The following COX7B2 variants were observed in gnomAD, a reference collection of about 807,000 sequenced individuals.
The protein encoded by COX7B2 is cytochrome c oxidase subunit 7B2, mitochondrial.
For missense variants in COX7B2, 109 were observed against 95.9 expected, an observed-to-expected ratio of 1.14 and a Z score of -0.57; for synonymous variants, 37 against 32.1, an observed-to-expected ratio of 1.15 and a Z score of -0.51.
intron 2 of COX7B2, among the ~76,000 whole-genome samples, chr4:46,832,139 A>T (rs1261661841): frequency 6.6e-6 from 1 of 152,146 alleles, no homozygotes; most frequent in African/African-American, 2.4e-5. Flanking sequence ...CACACCGTGG[A>T]AGGTTTGTTC....
intron 2 of COX7B2, among the ~76,000 whole-genome samples, chr4:46,780,534 A>C (rs1051767618): frequency 2.0e-5 from 3 of 152,132 alleles, no homozygotes; most frequent in Admixed American, 6.5e-5. Flanking sequence ...AAAAACAAAA[A>C]AGTCTAAACC....
At chr4:46,836,328 A>G (rs1715509806) in intron 2 of COX7B2, among the ~76,000 whole-genome samples, 1 of 151,910 alleles carries the variant, frequency 6.6e-6, no homozygotes, top group African/African-American at 2.4e-5. Flanking sequence ...TCCTTATTCT[A>G]TACGTTTTTT....
At chr4:46,847,015 C>A (rs1222244428) in intron 1 of COX7B2, among the ~76,000 whole-genome samples, 1 of 151,884 alleles carries the variant, frequency 6.6e-6, no homozygotes, top group Non-Finnish European at 1.5e-5. Flanking sequence ...ATAAACTATG[C>A]AGTTGGCTAT....
chr4:46,773,922 A>G (rs929615576), intron 2 of COX7B2, among the ~76,000 whole-genome samples: 1 of 152,128 alleles, frequency 6.6e-6, no homozygotes, highest in African/African-American at 2.4e-5. Context: ...CTGTACTTCC[A>G]CAATAACTGG....
chr4:46,906,866 G>A (rs1252722599), intron 1 of COX7B2, among the ~76,000 whole-genome samples: 1 of 152,118 alleles, frequency 6.6e-6, no homozygotes, highest in African/African-American at 2.4e-5. Flanking sequence ...TGCCCCTCTT[G>A]CTTGAGCCTT....
chr4:46,737,326 A>G (rs181598878), intron 2 of COX7B2, among the ~76,000 whole-genome samples: 2 of 152,238 alleles, frequency 1.3e-5, no homozygotes, highest in East Asian at 1.9e-4. Context: ...AGTTCTTTGT[A>G]TATTCTGGAT....
chr4:46,849,881 C>T (rs1310582469), intron 1 of COX7B2, among the ~76,000 whole-genome samples: 1 of 152,182 alleles, frequency 6.6e-6, no homozygotes, highest in East Asian at 1.9e-4. Context: ...TGTTCCCCTT[C>T]TATTTTAAGA....
At chr4:46,859,876 A>G (rs1172193634) in intron 1 of COX7B2, among the ~76,000 whole-genome samples, 1 of 152,218 alleles carries the variant, frequency 6.6e-6, no homozygotes, top group Non-Finnish European at 1.5e-5. Context: ...AAATACAGCT[A>G]GTCAACAGCC....
At chr4:46,866,206 G>A (rs369585207) in intron 1 of COX7B2, among the ~76,000 whole-genome samples, 79 of 152,294 alleles carry the variant, frequency 5.2e-4, no homozygotes, top group Admixed American at 8.5e-4. Context: ...CCTGATTTAG[G>A]AAGACGGAAG....
intron 2 of COX7B2, among the ~76,000 whole-genome samples, chr4:46,809,901 AG>A (rs1210920137): frequency 6.6e-6 from 1 of 151,974 alleles, no homozygotes; most frequent in Non-Finnish European, 1.5e-5. Context: ...GTTCATTAAT[AG>A]TTTACATATT....
chr4:46,880,879 A>G (rs1322408323), intron 1 of COX7B2, among the ~76,000 whole-genome samples: 2 of 147,764 alleles, frequency 1.4e-5, no homozygotes, highest in Non-Finnish European at 3.0e-5. Flanking sequence ...GCATTGGGAG[A>G]TATACCTAAT....
At position 46,905,152 on chromosome 4, in the gene COX7B2, GT is replaced by G. The variant is rs386399993; in HGVS notation, c.-105+4007del. On this transcript the variant is annotated intron_variant, in intron 1 of 2. Coordinates refer to ENST00000355591, the MANE Select transcript of COX7B2 (RefSeq NM_130902.3). ...ATTTGGACACTTAAGTATTATACAAGTTTTTTTTTTTTAAGCAACAAACAAC... is the reference window on the plus strand; with the variant it reads ...ATTTGGACACTTAAGTATTATACAAGTTTTTTTTTTTAAGCAACAAACAAC... 3.8e-4 allele frequency among the ~76,000 whole-genome samples: 56 copies of G among 148,106 alleles called. 2 individuals carry two copies. The highest frequency in any genetic ancestry group is 3.5e-3 in the Middle Eastern group (1 of 286).
chr4:46,904,953 T>C (rs576143739), intron 1 of COX7B2, among the ~76,000 whole-genome samples: 1 of 152,334 alleles, frequency 6.6e-6, no homozygotes, highest in East Asian at 1.9e-4. Flanking sequence ...ACCTACTAAA[T>C]GGATTACTTA....
rs544390376 is a variant in COX7B2 at position 46,746,372 on chromosome 4, G to T, written c.-49-11131C>A. 6.6e-5 allele frequency among the ~76,000 whole-genome samples: 10 copies of T among 152,298 alleles called. No individual in the cohort carries two copies. The South Asian group carries it at 1.9e-3, about 28-fold the overall frequency. On this transcript the variant is annotated intron_variant, in intron 2 of 2. Coordinates refer to ENST00000355591, the MANE Select transcript of COX7B2 (RefSeq NM_130902.3). ...TTTCTAATGAAAAGAAATTATAAAA[G>T]TGGCACAAAGATCTAAGTGTAGAAC...
chr4:46,824,219 C>T (rs560152993), intron 2 of COX7B2, among the ~76,000 whole-genome samples: 99 of 152,200 alleles, frequency 6.5e-4, no homozygotes, highest in Non-Finnish European at 1.1e-3. Context: ...GATGGATTCA[C>T]GGTCAAATTC....
intron 1 of COX7B2, among the ~76,000 whole-genome samples, chr4:46,878,483 T>TTA (rs34882815): frequency 0.08 from 11,874 of 149,034 alleles, 770 homozygotes; most frequent in East Asian, 0.26. Flanking sequence ...GTTAGCACTA[T>TTA]TATATATATA....
intron 2 of COX7B2, among the ~76,000 whole-genome samples, chr4:46,825,461 G>A (rs1714619948): frequency 1.3e-5 from 2 of 152,078 alleles, no homozygotes; most frequent in Admixed American, 6.6e-5. Context: ...ACTGCCCAAA[G>A]CAATTTACAG....
rs141042467 is a variant in COX7B2 at position 46,847,069 on chromosome 4, A to G, written c.-104-2055T>C. On this transcript the variant is annotated intron_variant, in intron 1 of 2. Coordinates refer to ENST00000355591, the MANE Select transcript of COX7B2 (RefSeq NM_130902.3). ...GACGATCAAATTTAACACCATAGATATAGCCGTTGAGATGTAAGAAGAAAT... is the reference window on the plus strand; with the variant it reads ...GACGATCAAATTTAACACCATAGATGTAGCCGTTGAGATGTAAGAAGAAAT... Among the ~76,000 whole-genome samples the G allele has an allele frequency of 7.7e-3, 1,177 of 152,176 alleles. 18 individuals carry two copies. Among genetic ancestry groups the G allele is most frequent in the African/African-American group, 0.027 (1,134 of 41,556 alleles).
rs200373474 is a variant in COX7B2 at position 46,879,723 on chromosome 4, C to CAA, written c.-105+29435_-105+29436dup. ...GATTTATCAAAGAAAACGAAGACCT[C>CAA]AAAAAAAAAAAAGCCAATTGAGACA... On this transcript the variant is annotated intron_variant, in intron 1 of 2. Coordinates refer to ENST00000355591, the MANE Select transcript of COX7B2 (RefSeq NM_130902.3). Among the ~76,000 whole-genome samples, 36 of 139,156 alleles carry CAA rather than the reference C, an allele frequency of 2.6e-4. No homozygotes were observed. In the East Asian group the frequency reaches 3.1e-3, roughly 12 times the overall value. The allele number at this position is 139,156 out of a possible 152,430, so 91.3% of individuals were successfully genotyped here. A position where few individuals can be genotyped will look rare whatever the true frequency, so the allele number is the denominator to read the frequency against.
Sources: allele counts gnomAD v4.1 joint callset (sites outside exome capture counted in the v4.1 genomes callset), GRCh38; gene constraint gnomAD v4.1.1; transcripts MANE v1.5; gene names NCBI Gene and HGNC (gene_info 2026-07-23, HGNC 2026-07-21).